The following PPARGC1B variants were observed in gnomAD, a reference collection of about 807,000 sequenced individuals.
PPARGC1B encodes the protein peroxisome proliferator-activated receptor gamma coactivator 1-beta.
Under a neutral mutation model 101.6 loss-of-function variants are expected in PPARGC1B, and 34 were observed. The observed-to-expected ratio is 0.33, with a 90% CI of 0.25 to 0.45. PPARGC1B has a LOEUF of 0.45. PPARGC1B is among the 20% of genes least tolerant of loss of function. The pLI is 1.00. For synonymous variants in PPARGC1B, 548 were observed against 539.3 expected (o/e 1.02, Z -0.22); for missense variants, 1,234 against 1,317.6 (o/e 0.94, Z 0.98).
intron 1 of PPARGC1B, among the ~76,000 whole-genome samples, chr5:149,804,587 G>A (rs1166607927): frequency 2.0e-5 from 3 of 152,148 alleles, no homozygotes; most frequent in Non-Finnish European, 4.4e-5. Flanking sequence ...CAGGAGAATC[G>A]CTTGAACCCA....
chr5:149,780,041 G>A (rs748113712), intron 1 of PPARGC1B, among the ~76,000 whole-genome samples: 2 of 152,238 alleles, frequency 1.3e-5, no homozygotes, highest in African/African-American at 2.4e-5. Flanking sequence ...AGGTCTGAGT[G>A]AAAGGGCTTT....
At chr5:149,767,261 C>T (rs1246258465) in intron 1 of PPARGC1B, among the ~76,000 whole-genome samples, 1 of 152,112 alleles carries the variant, frequency 6.6e-6, no homozygotes, top group Non-Finnish European at 1.5e-5. Flanking sequence ...AGTCCCAGAG[C>T]CCACACATGC....
intron 1 of PPARGC1B, among the ~76,000 whole-genome samples, chr5:149,756,516 G>A (rs889171635): frequency 2.0e-5 from 3 of 152,148 alleles, no homozygotes; most frequent in Admixed American, 6.5e-5. Flanking sequence ...ATACTAAAGT[G>A]CCTGTTATGT....
intron 1 of PPARGC1B, among the ~76,000 whole-genome samples, chr5:149,763,146 TTCCCTCCCCACTCTGGCCCTGCAGCC>T (rs58574774): frequency 0.078 from 11,880 of 152,158 alleles, 524 homozygotes; most frequent in South Asian, 0.13. Context: ...CCCCTGCAAC[TTCCCTCCCCACTCTGGCCCTGCAGCC>T]TCGCTTGCTC....
In PPARGC1B at chr5:149,741,786, C is replaced by T. The variant is rs370162822; in HGVS notation, c.78+11366C>T. On this transcript the variant is annotated intron_variant, in intron 1 of 11. Coordinates refer to ENST00000309241, the MANE Select transcript of PPARGC1B (RefSeq NM_133263.4). ...GGGATTACAGGCGTCTGCCACCATGCCTGGCTAATTTTTTTGTATTTTTAG... is the reference window on the plus strand; with the variant it reads ...GGGATTACAGGCGTCTGCCACCATGTCTGGCTAATTTTTTTGTATTTTTAG... Among the ~76,000 whole-genome samples the T allele has an allele frequency of 1.6e-4, 25 of 152,190 alleles. No homozygotes were observed. In the East Asian group the frequency reaches 4.6e-3, roughly 28 times the overall value.
chr5:149,733,021 T>TG (rs1425706580), intron 1 of PPARGC1B: 1 of 202,246 alleles, frequency 4.9e-6, no homozygotes, highest in Non-Finnish European at 1.2e-5. Context: ...GGCCTGGTGG[T>TG]GGGGGTGAGC....
chr5:149,743,009 G>A (rs1358262954), intron 1 of PPARGC1B, among the ~76,000 whole-genome samples: 1 of 152,094 alleles, frequency 6.6e-6, no homozygotes, highest in East Asian at 1.9e-4. Context: ...AGATGGGGGT[G>A]CAGAAGAGGA....
intron 4 of PPARGC1B, among the ~76,000 whole-genome samples, chr5:149,831,540 G>T (rs997419930): frequency 6.6e-6 from 1 of 152,138 alleles, no homozygotes; most frequent in African/African-American, 2.4e-5. Context: ...CTTCTCTGGG[G>T]AATGAGTCCC....
At chr5:149,788,680 T>C (rs1277427489) in intron 1 of PPARGC1B, among the ~76,000 whole-genome samples, 1 of 152,214 alleles carries the variant, frequency 6.6e-6, no homozygotes, top group Non-Finnish European at 1.5e-5. Context: ...CCAACCCACA[T>C]GTCCGTCAAT....
chr5:149,851,640 G>A lies in PPARGC1B; in HGVS notation c.*4082G>A, dbSNP rs554647250. On this transcript the variant is annotated 3_prime_UTR_variant, in exon 12 of 12. Coordinates refer to ENST00000309241, the MANE Select transcript of PPARGC1B (RefSeq NM_133263.4). ...GGGACCCTGTCATCCTTACCAATGGGGAAGAAGAAAACTAGTGCATGTGCA... is the reference window on the plus strand; with the variant it reads ...GGGACCCTGTCATCCTTACCAATGGAGAAGAAGAAAACTAGTGCATGTGCA... The A allele has an allele frequency of 3.8e-4, 58 of 152,170 alleles. No homozygotes were observed. Among genetic ancestry groups the A allele is most frequent in the African/African-American group, 1.3e-3 (55 of 41,546 alleles). The allele number at this position is 152,170 out of a possible 1,614,324, so 9.4% of individuals were successfully genotyped here. A position where few individuals can be genotyped will look rare whatever the true frequency, so the allele number is the denominator to read the frequency against.
chr5:149,767,668 T>G (rs964839677), intron 1 of PPARGC1B, among the ~76,000 whole-genome samples: 3 of 152,212 alleles, frequency 2.0e-5, no homozygotes, highest in African/African-American at 4.8e-5. Flanking sequence ...CTCCAGGGAC[T>G]GAACATTCTC....
At chr5:149,784,326 T>C (rs1273296006) in intron 1 of PPARGC1B, among the ~76,000 whole-genome samples, 1 of 152,012 alleles carries the variant, frequency 6.6e-6, no homozygotes, top group Non-Finnish European at 1.5e-5. Context: ...CAACGGCCTG[T>C]GAAGCAGCCA....
intron 1 of PPARGC1B, among the ~76,000 whole-genome samples, chr5:149,801,926 A>G (rs1217659422): frequency 6.6e-6 from 1 of 152,174 alleles, no homozygotes; most frequent in Non-Finnish European, 1.5e-5. Flanking sequence ...ACTTTGCACT[A>G]GACACTATGT....
chr5:149,736,270 G>A (rs574057979), intron 1 of PPARGC1B, among the ~76,000 whole-genome samples: 1 of 152,184 alleles, frequency 6.6e-6, no homozygotes, highest in East Asian at 1.9e-4. Context: ...TCTAAAATGA[G>A]CATTAACCTG....
At chr5:149,843,123 G>A (rs1759414700) in intron 10 of PPARGC1B, among the ~76,000 whole-genome samples, 3 of 152,090 alleles carry the variant, frequency 2.0e-5, no homozygotes, top group Admixed American at 1.3e-4. Flanking sequence ...AGCCGAGATG[G>A]CGCCACTGCA....
chr5:149,756,014 C>T (rs1755508347), intron 1 of PPARGC1B, among the ~76,000 whole-genome samples: 1 of 152,190 alleles, frequency 6.6e-6, no homozygotes, highest in Admixed American at 6.5e-5. Flanking sequence ...AGACCTTGCT[C>T]TGCCCTCGTT....
At chr5:149,827,274 C>A (rs1406757822) in intron 3 of PPARGC1B, among the ~76,000 whole-genome samples, 1 of 152,240 alleles carries the variant, frequency 6.6e-6, no homozygotes, top group Non-Finnish European at 1.5e-5. Flanking sequence ...GTTGCTTTTT[C>A]CTGTCCCAGA....
rs1025384727 is a variant in PPARGC1B at position 149,730,857 on chromosome 5, G to A, written c.78+437G>A. On this transcript the variant is annotated intron_variant, in intron 1 of 11. Transcript: ENST00000309241. This position sits in a 1 kb window ranked among gnomAD's most constrained non-coding sequence, Gnocchi z 4.0. ...GGCACGGGTGCATGCCCGGGTCTCC[G>A]GAGTCCCCTAGTCCTCCAGGCTGTA... Among the ~76,000 whole-genome samples the A allele has an allele frequency of 5.9e-5, 9 of 152,214 alleles. No individual in the cohort carries two copies. The highest frequency in any genetic ancestry group is 8.8e-5 in the Non-Finnish European group (6 of 68,026).
chr5:149,857,267 AT>A (rs1230279749), downstream of PPARGC1B, among the ~76,000 whole-genome samples: 1 of 152,238 alleles, frequency 6.6e-6, no homozygotes, highest in Non-Finnish European at 1.5e-5. Flanking sequence ...CTTAATCAGC[AT>A]CAGCTGTGAT....
Sources: gnomAD v4.1 joint callset for allele counts (sites outside exome capture counted in the v4.1 genomes callset) on GRCh38, gnomAD v4.1.1 for gene constraint, Gnocchi (gnomAD v3.1) non-coding constraint, MANE v1.5 for transcripts, NCBI Gene and HGNC (gene_info 2026-07-23, HGNC 2026-07-21) for gene names.